The following ITPR2 variants were observed in gnomAD, a reference collection of about 807,000 sequenced individuals.
ITPR2 encodes the protein inositol 1,4,5-trisphosphate-gated calcium channel ITPR2.
ITPR2 carries 207 observed loss-of-function variants against 317.1 expected under a neutral mutation model. The observed-to-expected ratio is 0.65, with a 90% CI of 0.58 to 0.73. ITPR2 has a LOEUF of 0.73. Among genes scored for constraint, ITPR2 ranks in the 30% least tolerant of loss-of-function variants. The probability of loss-of-function intolerance (pLI) is 0.00; values close to 1 mark genes in which losing one functional copy is unlikely to be tolerated. For synonymous variants in ITPR2, 1,156 were observed against 1,149.1 expected, an observed-to-expected ratio of 1.01 and a Z score of -0.12; for missense variants, 2,613 against 3,284.0, an observed-to-expected ratio of 0.80 and a Z score of 4.99.
Position 26,337,278 on chromosome 12 carries a change from G to C in ITPR2, c.*2119C>G, listed in dbSNP as rs1290793147. On this transcript the variant is annotated 3_prime_UTR_variant, in exon 57 of 57. Transcript: ENST00000381340. ...TAGATACTTTATCATCTGAAAGACA[G>C]GTTGCTCAGATGTATACAAATGAAT... 2 of 152,092 alleles carry C rather than the reference G, an allele frequency of 1.3e-5. No homozygotes were observed. 9.4% of individuals were successfully genotyped at this position (152,092 alleles called of 1,614,324 possible).
chr12:26,471,837 T>C (rs1470461616), intron 45 of ITPR2, among the ~76,000 whole-genome samples: 2 of 152,198 alleles, frequency 1.3e-5, no homozygotes, highest in Non-Finnish European at 2.9e-5. Context: ...ATATCCACAA[T>C]GAAAACAGTG....
chr12:26,759,848 T>C (rs1453787047), intron 2 of ITPR2, among the ~76,000 whole-genome samples: 1 of 152,200 alleles, frequency 6.6e-6, no homozygotes, highest in Non-Finnish European at 1.5e-5. Flanking sequence ...CAGAATCAAA[T>C]ATGATTTCAC....
intron 2 of ITPR2, among the ~76,000 whole-genome samples, chr12:26,738,804 T>G (rs1949176397): frequency 6.6e-6 from 1 of 152,174 alleles, no homozygotes; most frequent in African/African-American, 2.4e-5. Context: ...AAAATTATTC[T>G]TTAAAAATGT....
At chr12:26,736,692 T>G (rs939528366) in intron 2 of ITPR2, among the ~76,000 whole-genome samples, 1 of 152,142 alleles carries the variant, frequency 6.6e-6, no homozygotes, top group Admixed American at 6.5e-5. Flanking sequence ...AAGTATATTA[T>G]CACTCCAAAT....
At chr12:26,535,199 G>T (rs994572582) in intron 37 of ITPR2, among the ~76,000 whole-genome samples, 1 of 151,932 alleles carries the variant, frequency 6.6e-6, no homozygotes, top group Admixed American at 6.5e-5. Flanking sequence ...AGCAATAATT[G>T]GAACAATTTA....
chr12:26,681,166 T>C (rs1182718502), intron 13 of ITPR2, among the ~76,000 whole-genome samples: 1 of 152,204 alleles, frequency 6.6e-6, no homozygotes, highest in Non-Finnish European at 1.5e-5. Context: ...GAATCCTCCC[T>C]TAGTATTAAC....
At chr12:26,424,282 A>C in intron 49 of ITPR2, among the ~76,000 whole-genome samples, 1 of 152,194 alleles carries the variant, frequency 6.6e-6, no homozygotes, top group East Asian at 1.9e-4. Context: ...AGAAGAATGA[A>C]ATTCAAAGTC....
intron 15 of ITPR2, among the ~76,000 whole-genome samples, chr12:26,659,649 CTAAT>C (rs1947452050): frequency 6.6e-6 from 1 of 152,054 alleles, no homozygotes; most frequent in Non-Finnish European, 1.5e-5. Context: ...AAAAATAAAT[CTAAT>C]TAAAATAAGC....
intron 50 of ITPR2, among the ~76,000 whole-genome samples, chr12:26,417,130 TA>T (rs900535357): frequency 6.1e-5 from 9 of 147,536 alleles, no homozygotes; most frequent in Middle Eastern, 3.4e-3. Flanking sequence ...TTTTCAAATA[TA>T]AAAAATCTTT....
In ITPR2 at chr12:26,409,366, G is replaced by A. The variant is rs75204747; in HGVS notation, c.7399+1954C>T. On this transcript the variant is annotated intron_variant, in intron 52 of 56. Coordinates refer to ENST00000381340, the MANE Select transcript of ITPR2 (RefSeq NM_002223.4). ...TGAAAAAAGATAGAGCAACATGGGC[G>A]GAATGATGTTAACAGTTTCTTTAAG... Among the ~76,000 whole-genome samples the A allele has an allele frequency of 6.8e-3, 1,030 of 152,302 alleles. 7 individuals carry two copies. The highest frequency in any genetic ancestry group is 0.023 in the African/African-American group (964 of 41,566).
intron 37 of ITPR2, among the ~76,000 whole-genome samples, chr12:26,524,366 G>T (rs149072434): frequency 6.6e-6 from 1 of 152,074 alleles, no homozygotes. Flanking sequence ...CATTTTATTT[G>T]CAGGGATTAA....
chr12:26,467,723 T>C (rs1168849324), intron 45 of ITPR2, among the ~76,000 whole-genome samples: 2 of 152,162 alleles, frequency 1.3e-5, no homozygotes, highest in African/African-American at 4.8e-5. Context: ...TCATGATCTT[T>C]ATATCAAACT....
chr12:26,678,842 T>C (rs1361508721), intron 13 of ITPR2, among the ~76,000 whole-genome samples: 2 of 152,222 alleles, frequency 1.3e-5, no homozygotes, highest in Non-Finnish European at 1.5e-5. Context: ...AATCTCCAGC[T>C]GTGACTGAAG....
intron 9 of ITPR2, among the ~76,000 whole-genome samples, chr12:26,701,402 T>G (rs1246230119): frequency 6.6e-6 from 1 of 152,212 alleles, no homozygotes; most frequent in South Asian, 2.1e-4. Flanking sequence ...ATGATTATAT[T>G]TATATGTTTC....
At chr12:26,664,304 C>T (rs1361835142) in intron 14 of ITPR2, among the ~76,000 whole-genome samples, 1 of 148,462 alleles carries the variant, frequency 6.7e-6, no homozygotes, top group African/African-American at 2.5e-5. Flanking sequence ...CCAAACATTG[C>T]TTCTAAACTG....
intron 37 of ITPR2, among the ~76,000 whole-genome samples, chr12:26,550,017 G>A (rs1002774131): frequency 6.6e-6 from 1 of 151,506 alleles, no homozygotes; most frequent in Non-Finnish European, 1.5e-5. Flanking sequence ...TATAATATAA[G>A]AATATAATAA....
intron 34 of ITPR2, among the ~76,000 whole-genome samples, chr12:26,568,401 T>C (rs1001192142): frequency 3.9e-5 from 6 of 152,070 alleles, no homozygotes; most frequent in Non-Finnish European, 7.4e-5. Context: ...AAATAGGCTA[T>C]CTTTATTCAC....
chr12:26,674,611 A>C (rs1053467813), intron 13 of ITPR2, among the ~76,000 whole-genome samples: 1 of 152,266 alleles, frequency 6.6e-6, no homozygotes, highest in Non-Finnish European at 1.5e-5. Context: ...AAACCTAGGC[A>C]TTACCATTCA....
At chr12:26,470,220 G>T (rs1942264799) in intron 45 of ITPR2, among the ~76,000 whole-genome samples, 1 of 152,150 alleles carries the variant, frequency 6.6e-6, no homozygotes, top group Non-Finnish European at 1.5e-5. Flanking sequence ...CTAAATTTTG[G>T]AATATGTCTT....
Sources: gnomAD v4.1 joint callset for allele counts (sites outside exome capture counted in the v4.1 genomes callset) on GRCh38, gnomAD v4.1.1 for gene constraint, MANE v1.5 for transcripts, NCBI Gene and HGNC (gene_info 2026-07-23, HGNC 2026-07-21) for gene names.